ZYG11B: variants seen among roughly 807,000 people sequenced by gnomAD.
ZYG11B encodes zyg-11 family member B, cell cycle regulator, also known as protein zyg-11 homolog B.
In ZYG11B, 36 loss-of-function variants were observed where a neutral mutation model predicts 82.4. That is an observed-to-expected ratio of 0.44 (90% CI 0.33 to 0.58). ZYG11B has a LOEUF of 0.58. ZYG11B is among the 20% of genes least tolerant of loss of function. The probability of loss-of-function intolerance (pLI) is 0.02; values close to 1 mark genes in which losing one functional copy is unlikely to be tolerated. For missense variants in ZYG11B, 552 were observed against 895.6 expected, an observed-to-expected ratio of 0.62 and a Z score of 4.90; for synonymous variants, 303 against 312.8, an observed-to-expected ratio of 0.97 and a Z score of 0.33.
intron 1 of ZYG11B, among the ~76,000 whole-genome samples, chr1:52,728,786 A>T (rs945472062): frequency 1.3e-5 from 2 of 152,108 alleles, no homozygotes; most frequent in Non-Finnish European, 2.9e-5. Flanking sequence ...TAGGATTTAT[A>T]TAGATCATTT....
At chr1:52,791,045 C>T (rs1391256079) in intron 6 of ZYG11B, among the ~76,000 whole-genome samples, 4 of 151,838 alleles carry the variant, frequency 2.6e-5, no homozygotes, top group Non-Finnish European at 5.9e-5. Flanking sequence ...AATCTCAGCT[C>T]ACTGCAACCT....
rs1645330603 is a variant in ZYG11B at position 52,826,990 on chromosome 1, TA to T, written c.*5363del. 6.6e-6 allele frequency: 1 copy of T among 152,108 alleles called. No homozygotes were observed. Among genetic ancestry groups the T allele is most frequent in the Non-Finnish European group, 1.5e-5 (1 of 68,032 alleles). The allele number at this position is 152,108 out of a possible 1,614,324, so 9.4% of individuals were successfully genotyped here. A position where few individuals can be genotyped will look rare whatever the true frequency, so the allele number is the denominator to read the frequency against. ...TCCTTAAAAACTTTATACTCTCAGA[TA>T]ATCTGCAACAACAAAAATTAAGAAA... is the stretch of plus-strand genomic sequence containing the variant. On this transcript the variant is annotated 3_prime_UTR_variant, in exon 14 of 14. Transcript: ENST00000294353.
At chr1:52,760,940 T>G (rs1644624958) in intron 2 of ZYG11B, among the ~76,000 whole-genome samples, 1 of 151,742 alleles carries the variant, frequency 6.6e-6, no homozygotes, top group African/African-American at 2.4e-5. Context: ...TTTTTGTATT[T>G]TTAGTAGAGA....
chr1:52,737,722 A>G (rs1644389562), intron 1 of ZYG11B, among the ~76,000 whole-genome samples: 2 of 152,206 alleles, frequency 1.3e-5, no homozygotes, highest in South Asian at 4.1e-4. Flanking sequence ...AGATCGTGCC[A>G]CTGCACTCCA....
At chr1:52,792,329 C>A (rs1644966450) in intron 6 of ZYG11B, among the ~76,000 whole-genome samples, 2 of 152,168 alleles carry the variant, frequency 1.3e-5, no homozygotes, top group African/African-American at 4.8e-5. Context: ...AGGAAAGATT[C>A]TGTCTGACTG....
Position 52,824,671 on chromosome 1 carries a change from C to A in ZYG11B, c.*3042C>A, listed in dbSNP as rs949934067. The stretch of plus-strand genomic sequence containing the variant: ...AAAAAAGCATAATAATTTATTACAT[C>A]CCAAATATATAAAAATTTGAGTGCC... On this transcript the variant is annotated 3_prime_UTR_variant, in exon 14 of 14. Coordinates refer to ENST00000294353, the MANE Select transcript of ZYG11B (RefSeq NM_024646.3). The A allele has an allele frequency of 7.9e-5, 12 of 151,826 alleles. No homozygotes were observed. Among genetic ancestry groups the A allele is most frequent in the Admixed American group, 6.6e-4 (10 of 15,248 alleles). 9.4% of individuals were successfully genotyped at this position (151,826 alleles called of 1,614,324 possible). A position where few individuals can be genotyped will look rare whatever the true frequency, so the allele number is the denominator to read the frequency against.
intron 1 of ZYG11B, 86 bp downstream of exon 1, chr1:52,726,769 C>A: frequency 7.5e-7 from 1 of 1,329,826 alleles, no homozygotes; most frequent in Non-Finnish European, 9.8e-7. Flanking sequence ...CTTGCCCCTC[C>A]CTGTCTCTGG....
At chr1:52,782,163 G>C (rs1251220129) in intron 4 of ZYG11B, among the ~76,000 whole-genome samples, 2 of 149,924 alleles carry the variant, frequency 1.3e-5, no homozygotes, top group East Asian at 4.0e-4. Context: ...CCTCCCTCCT[G>C]GGCTCAAATG....
chr1:52,804,132 C>T (rs115764823), intron 10 of ZYG11B, among the ~76,000 whole-genome samples: 2,126 of 152,058 alleles, frequency 0.014, 43 homozygotes, highest in African/African-American at 0.049. Context: ...GTAGTCCCAG[C>T]TAGTGGGGAG....
intron 3 of ZYG11B, among the ~76,000 whole-genome samples, chr1:52,778,964 G>A (rs1316055650): frequency 6.6e-6 from 1 of 152,106 alleles, no homozygotes; most frequent in Non-Finnish European, 1.5e-5. Context: ...ATGGTGAATG[G>A]ATCAATGTAG....
intron 1 of ZYG11B, among the ~76,000 whole-genome samples, chr1:52,750,273 ATT>A (rs35418497): frequency 1.7e-3 from 220 of 132,228 alleles, no homozygotes; most frequent in Middle Eastern, 4.1e-3. Context: ...CCCAGCAACT[ATT>A]TTTTTTTTTT....
At chr1:52,769,589 A>C (rs1332299646) in intron 2 of ZYG11B, among the ~76,000 whole-genome samples, 2 of 152,192 alleles carry the variant, frequency 1.3e-5, no homozygotes, top group African/African-American at 4.8e-5. Context: ...TGGAGTTCTT[A>C]ATATGTAATT....
At chr1:52,804,261 A>G (rs1392443515) in intron 10 of ZYG11B, among the ~76,000 whole-genome samples, 37 of 152,050 alleles carry the variant, frequency 2.4e-4, no homozygotes, top group African/African-American at 7.2e-5. Context: ...AAAAAAAGTC[A>G]TTAACCTACA....
chr1:52,821,650 T>C lies in ZYG11B; in HGVS notation c.*21T>C. On this transcript the variant is annotated 3_prime_UTR_variant, in exon 14 of 14. Transcript: ENST00000294353. ...ATTGATAGCCATAAGTATTGGATAG[T>C]TGAATCACAGGAATCCTTTTTGTGA... 6.3e-7 allele frequency: 1 copy of C among 1,583,456 alleles called. No homozygotes were observed. The highest frequency in any genetic ancestry group is 8.6e-7 in the Non-Finnish European group (1 of 1,162,842).
chr1:52,808,643 G>A (rs1645160888), intron 10 of ZYG11B, among the ~76,000 whole-genome samples: 1 of 152,180 alleles, frequency 6.6e-6, no homozygotes, highest in South Asian at 2.1e-4. Flanking sequence ...TGGGCTTACA[G>A]GAGTAAGCCA....
At chr1:52,805,188 A>G (rs1239475179) in intron 10 of ZYG11B, 3 of 235,876 alleles carry the variant, frequency 1.3e-5, no homozygotes, top group Non-Finnish European at 2.6e-5. Flanking sequence ...TTCCAATTTT[A>G]GTATATATGC....
chr1:52,735,596 G>A (rs771181344), intron 1 of ZYG11B, among the ~76,000 whole-genome samples: 1 of 151,904 alleles, frequency 6.6e-6, no homozygotes, highest in Admixed American at 6.6e-5. Flanking sequence ...GAGTGCAGTG[G>A]CGCGATCTCG....
chr1:52,751,672 C>T (rs1174873221), intron 1 of ZYG11B, among the ~76,000 whole-genome samples: 1 of 152,002 alleles, frequency 6.6e-6, no homozygotes, highest in Non-Finnish European at 1.5e-5. Flanking sequence ...GATCTTCATA[C>T]CCTGTTTCTT....
Position 52,826,405 on chromosome 1 carries a change from A to G in ZYG11B, c.*4776A>G, listed in dbSNP as rs1243532352. On this transcript the variant is annotated 3_prime_UTR_variant, in exon 14 of 14. Coordinates refer to ENST00000294353, the MANE Select transcript of ZYG11B (RefSeq NM_024646.3). ...CACTCACGAACTGTTTTATTTTAGG[A>G]ATAATGCAAAACCAACCTTCGTCCG... The G allele has an allele frequency of 6.6e-6, 1 of 152,200 alleles. No homozygotes were observed. The highest frequency in any genetic ancestry group is 1.5e-5 in the Non-Finnish European group (1 of 68,032). 9.4% of individuals were successfully genotyped at this position (152,200 alleles called of 1,614,324 possible).
Sources: allele counts gnomAD v4.1 joint callset (sites outside exome capture counted in the v4.1 genomes callset), GRCh38; gene constraint gnomAD v4.1.1; transcripts MANE v1.5; gene names NCBI Gene and HGNC (gene_info 2026-07-23, HGNC 2026-07-21).